FNDC3B: variants seen among roughly 807,000 people sequenced by gnomAD.
FNDC3B encodes the protein fibronectin type III domain containing 3B.
In FNDC3B, 12 loss-of-function variants were observed where a neutral mutation model predicts 151.5. That is an observed-to-expected ratio of 0.08 (90% CI 0.05 to 0.13). The LOEUF is 0.13. FNDC3B is among the 10% of genes least tolerant of loss of function. FNDC3B has a pLI of 1.00. For missense variants in FNDC3B, 1,214 were observed against 1,505.3 expected (o/e 0.81, Z 3.20); for synonymous variants, 528 against 549.0 (o/e 0.96, Z 0.54).
chr3:172,367,055 T>C (rs1734661889), intron 23 of FNDC3B, among the ~76,000 whole-genome samples: 1 of 152,184 alleles, frequency 6.6e-6, no homozygotes, highest in South Asian at 2.1e-4. Context: ...AACCTAGAAT[T>C]CATCTAGATC....
chr3:172,224,654 G>A (rs73025500), intron 3 of FNDC3B, among the ~76,000 whole-genome samples: 15,234 of 152,186 alleles, frequency 0.1, 1,343 homozygotes, highest in African/African-American at 0.24. Context: ...GTGAAGTGAA[G>A]GATGCATTGT....
intron 2 of FNDC3B, among the ~76,000 whole-genome samples, chr3:172,121,615 C>A (rs1405984731): frequency 1.3e-5 from 2 of 152,130 alleles, no homozygotes; most frequent in African/African-American, 4.8e-5. Flanking sequence ...TGTTTATATT[C>A]TTTTTTACAG....
intron 13 of FNDC3B, among the ~76,000 whole-genome samples, chr3:172,332,852 A>G (rs557830507): frequency 1.5e-4 from 23 of 152,368 alleles, no homozygotes; most frequent in African/African-American, 4.1e-4. Context: ...CTTTGTCACA[A>G]TAAATTTGAC....
intron 3 of FNDC3B, among the ~76,000 whole-genome samples, chr3:172,218,631 A>G (rs1199813497): frequency 6.6e-6 from 1 of 152,214 alleles, no homozygotes; most frequent in Non-Finnish European, 1.5e-5. Flanking sequence ...TATATGCATT[A>G]CATCTTCCAG....
chr3:172,334,405 G>A, intron 14 of FNDC3B, among the ~76,000 whole-genome samples: 1 of 148,116 alleles, frequency 6.8e-6, no homozygotes, highest in East Asian at 2.0e-4. Context: ...TTTTGAAAGG[G>A]TAAAAATATC....
At chr3:172,096,529 C>G (rs1719099185) in intron 1 of FNDC3B, among the ~76,000 whole-genome samples, 2 of 152,060 alleles carry the variant, frequency 1.3e-5, no homozygotes, top group Admixed American at 1.3e-4. Flanking sequence ...GTCCAGGACC[C>G]TAGAGGAGAA....
chr3:172,292,757 G>T (rs80051930), intron 7 of FNDC3B, among the ~76,000 whole-genome samples: 15 of 152,066 alleles, frequency 9.9e-5, no homozygotes, highest in Non-Finnish European at 2.2e-4. Context: ...TATCTCCCAC[G>T]TTAAAAATAA....
chr3:172,215,824 C>G lies in FNDC3B; in HGVS notation c.188-11047C>G, dbSNP rs562145049. ...TTCTTTTCTCTACAAAATGAGTAAA[C>G]TTTAACATCTTAGTCTGCATTTTAC... On this transcript the variant is annotated intron_variant, in intron 3 of 25. Transcript: ENST00000415807. 1.2e-4 allele frequency among the ~76,000 whole-genome samples: 19 copies of G among 152,270 alleles called. No homozygotes were observed. In the East Asian group the frequency reaches 3.7e-3, roughly 29 times the overall value.
intron 3 of FNDC3B, among the ~76,000 whole-genome samples, chr3:172,185,882 A>T (rs1724150836): frequency 6.6e-6 from 1 of 152,236 alleles, no homozygotes. Flanking sequence ...CAGTAAGTGT[A>T]TTGAATTTTC....
intron 6 of FNDC3B, among the ~76,000 whole-genome samples, chr3:172,257,179 G>C (rs4894533): frequency 0.59 from 89,644 of 152,036 alleles, 28,231 homozygotes; most frequent in African/African-American, 0.84. Flanking sequence ...CCAAAGTGCT[G>C]GGATTACAGG....
chr3:172,344,407 C>T (rs1324059502), intron 19 of FNDC3B, 149 bp downstream of exon 19: 2 of 614,562 alleles, frequency 3.3e-6, no homozygotes, highest in Admixed American at 3.5e-5. Context: ...AATCTTAATT[C>T]TGAGTTGATA....
chr3:172,067,296 C>G (rs1013106639), intron 1 of FNDC3B, among the ~76,000 whole-genome samples: 2 of 152,092 alleles, frequency 1.3e-5, no homozygotes, highest in Non-Finnish European at 2.9e-5. Context: ...TCTTAAACAG[C>G]GAGAATGGCC....
At chr3:172,078,228 C>T (rs919202722) in intron 1 of FNDC3B, among the ~76,000 whole-genome samples, 1 of 152,220 alleles carries the variant, frequency 6.6e-6, no homozygotes, top group South Asian at 2.1e-4. Flanking sequence ...GATCCGCTTG[C>T]CTTGGCCTCC....
At chr3:172,179,858 CAAAAAAAAA>C (rs60259015) in intron 3 of FNDC3B, among the ~76,000 whole-genome samples, 3,130 of 97,766 alleles carry the variant, frequency 0.032, 66 homozygotes, top group South Asian at 0.069. Flanking sequence ...GCCCTGTCTC[CAAAAAAAAA>C]AAAAAAAAAA....
chr3:172,297,054 G>A (rs926364676), intron 8 of FNDC3B, among the ~76,000 whole-genome samples: 1 of 152,160 alleles, frequency 6.6e-6, no homozygotes, highest in African/African-American at 2.4e-5. Context: ...CTGAAAATGA[G>A]GTGAACAGGA....
intron 6 of FNDC3B, among the ~76,000 whole-genome samples, chr3:172,257,108 G>A (rs762881086): frequency 3.3e-5 from 5 of 152,058 alleles, no homozygotes; most frequent in Non-Finnish European, 4.4e-5. Context: ...ATGGGGTTTC[G>A]CCATGATGGC....
chr3:172,351,161 C>A (rs1030375773), intron 21 of FNDC3B, among the ~76,000 whole-genome samples: 5 of 152,150 alleles, frequency 3.3e-5, no homozygotes, highest in East Asian at 1.9e-4. Context: ...TAAAGTACAG[C>A]AAAGAAGGGA....
intron 4 of FNDC3B, among the ~76,000 whole-genome samples, chr3:172,239,103 C>G (rs950687832): frequency 6.6e-6 from 1 of 151,508 alleles, no homozygotes; most frequent in East Asian, 1.9e-4. Context: ...ACTCATTTAA[C>G]CAACATTTAC....
At chr3:172,116,652 A>G (rs1576879490) in intron 2 of FNDC3B, among the ~76,000 whole-genome samples, 1 of 151,762 alleles carries the variant, frequency 6.6e-6, no homozygotes, top group African/African-American at 2.4e-5. Context: ...TGCAACATCC[A>G]CCTTCCGGGT....
Sources: gnomAD v4.1 joint callset for allele counts (sites outside exome capture counted in the v4.1 genomes callset) on GRCh38, gnomAD v4.1.1 for gene constraint, MANE v1.5 for transcripts, NCBI Gene and HGNC (gene_info 2026-07-23, HGNC 2026-07-21) for gene names.